The following PPP6R3 variants were observed in gnomAD, a reference collection of about 807,000 sequenced individuals.
PPP6R3 encodes the protein protein phosphatase 6 regulatory subunit 3.
Under a neutral mutation model 110.7 loss-of-function variants are expected in PPP6R3, and 38 were observed. The observed-to-expected ratio is 0.34, with a 90% CI of 0.26 to 0.45. The LOEUF (loss-of-function observed/expected upper bound fraction) is 0.45, where lower values mean the gene tolerates loss of function less well. Ranked by LOEUF, PPP6R3 falls within the 20% of genes least tolerant of loss-of-function variation. The probability of loss-of-function intolerance (pLI) is 1.00; values close to 1 mark genes in which losing one functional copy is unlikely to be tolerated. For missense variants in PPP6R3, 870 were observed against 1,062.4 expected (o/e 0.82, Z 2.52); for synonymous variants, 369 against 373.5 (o/e 0.99, Z 0.14).
chr11:68,472,693 C>T (rs946280871), intron 1 of PPP6R3, among the ~76,000 whole-genome samples: 2 of 151,472 alleles, frequency 1.3e-5, no homozygotes, highest in Admixed American at 6.6e-5. Context: ...AAGTGTACAA[C>T]TGATGGATTT....
At chr11:68,502,494 G>C (rs1026130535) in intron 1 of PPP6R3, among the ~76,000 whole-genome samples, 1 of 152,192 alleles carries the variant, frequency 6.6e-6, no homozygotes, top group Non-Finnish European at 1.5e-5. Context: ...CAGTGGGTTG[G>C]AGGGGCCAGA....
chr11:68,492,413 T>G (rs1309548144), intron 1 of PPP6R3, among the ~76,000 whole-genome samples: 1 of 152,338 alleles, frequency 6.6e-6, no homozygotes, highest in East Asian at 1.9e-4. Context: ...CCTCCCAGAA[T>G]GCTGGGATTT....
chr11:68,477,839 C>T (rs1319049123), intron 1 of PPP6R3, among the ~76,000 whole-genome samples: 1 of 145,086 alleles, frequency 6.9e-6, no homozygotes, highest in Non-Finnish European at 1.5e-5. Flanking sequence ...AGGTTCTGTA[C>T]CTTCTATGAT....
chr11:68,508,270 A>G (rs2153518305), intron 1 of PPP6R3, among the ~76,000 whole-genome samples: 1 of 151,792 alleles, frequency 6.6e-6, no homozygotes, highest in Admixed American at 6.6e-5. Flanking sequence ...CTGGGATTAC[A>G]GGCACCAGCC....
chr11:68,476,317 G>C (rs2098831734), intron 1 of PPP6R3, among the ~76,000 whole-genome samples: 1 of 152,130 alleles, frequency 6.6e-6, no homozygotes, highest in Non-Finnish European at 1.5e-5. Flanking sequence ...ACGAAAACCA[G>C]TCAGGCGTGG....
chr11:68,480,971 G>A (rs185401266), intron 1 of PPP6R3, among the ~76,000 whole-genome samples: 2 of 152,200 alleles, frequency 1.3e-5, no homozygotes, highest in East Asian at 3.9e-4. Flanking sequence ...GGGATCATTT[G>A]CTTGCTAGAA....
chr11:68,528,213 T>C (rs1416749717), intron 2 of PPP6R3, among the ~76,000 whole-genome samples: 1 of 152,186 alleles, frequency 6.6e-6, no homozygotes, highest in African/African-American at 2.4e-5. Context: ...GATTCCTTTA[T>C]TCTCAAAGAA....
chr11:68,544,017 A>G lies in PPP6R3; in HGVS notation c.228-821A>G, dbSNP rs140513663. Among the ~76,000 whole-genome samples, 217 of 152,320 alleles carry G rather than the reference A, an allele frequency of 1.4e-3. 3 individuals are homozygous for G. Among genetic ancestry groups the G allele is most frequent in the East Asian group, 3.9e-4 (2 of 5,184 alleles). On this transcript the variant is annotated intron_variant, in intron 3 of 23. Transcript: ENST00000393800. Reference sequence around the variant, plus strand: ...GTGGGCCTTCTACAGGAGAGACAGCATGGTGAAGACTCATGGTGGGCTGAC... The same window carrying G: ...GTGGGCCTTCTACAGGAGAGACAGCGTGGTGAAGACTCATGGTGGGCTGAC...
In PPP6R3 at chr11:68,498,791, T is replaced by C. The variant is rs184878172; in HGVS notation, c.-157-20710T>C. Among the ~76,000 whole-genome samples, 23 of 152,362 alleles carry C rather than the reference T, an allele frequency of 1.5e-4. No individual in the cohort carries two copies. The East Asian group carries it at 2.1e-3, about 14-fold the overall frequency. ...ATTGCTGCTCTGAACATTCAGTTTG[T>C]ATCTTTTGGTCAACAACATACGTAT... On this transcript the variant is annotated intron_variant, in intron 1 of 23. Transcript: ENST00000393800.
intron 15 of PPP6R3, 41 bp downstream of exon 15, chr11:68,583,170 A>C: frequency 2.1e-6 from 3 of 1,416,746 alleles, no homozygotes; most frequent in Non-Finnish European, 2.9e-6. Flanking sequence ...TTTTATTTTA[A>C]ATGCTTAGTT....
intron 1 of PPP6R3, among the ~76,000 whole-genome samples, chr11:68,478,706 G>GT (rs916561919): frequency 1.0e-4 from 12 of 114,480 alleles, no homozygotes; most frequent in Admixed American, 3.9e-4. Flanking sequence ...CGCCCAGGCT[G>GT]TAGTGCAGTG....
intron 10 of PPP6R3, among the ~76,000 whole-genome samples, chr11:68,569,453 A>G (rs897652447): frequency 6.6e-6 from 1 of 152,210 alleles, no homozygotes; most frequent in Non-Finnish European, 1.5e-5. Context: ...AAGTAGAACA[A>G]TTATAAATCT....
Position 68,613,431 on chromosome 11 carries a change from T to TAAGA in PPP6R3, c.*316_*319dup. 6 of 1,051,880 alleles carry TAAGA rather than the reference T, an allele frequency of 5.7e-6. No individual in the cohort carries two copies. Among genetic ancestry groups the TAAGA allele is most frequent in the Non-Finnish European group, 4.6e-6 (4 of 873,372 alleles). The allele number at this position is 1,051,880 out of a possible 1,614,324, so 65.2% of individuals were successfully genotyped here. On this transcript the variant is annotated 3_prime_UTR_variant, in exon 24 of 24. Coordinates refer to ENST00000393800, the MANE Select transcript of PPP6R3 (RefSeq NM_001164161.2). ...AGTAATACTATAGTTAAAATGGCTG[T>TAAGA]AAGAATAGTTTTATAAAAGTGAATA...
chr11:68,516,553 G>GGTA (rs2099137990), intron 1 of PPP6R3, among the ~76,000 whole-genome samples: 1 of 152,048 alleles, frequency 6.6e-6, no homozygotes, highest in African/African-American at 2.4e-5. Flanking sequence ...TTTGGACAGG[G>GGTA]GATACTCCGT....
At chr11:68,534,741 G>A (rs2099260444) in intron 2 of PPP6R3, among the ~76,000 whole-genome samples, 1 of 151,998 alleles carries the variant, frequency 6.6e-6, no homozygotes, top group Non-Finnish European at 1.5e-5. Flanking sequence ...ACTAAGTGTG[G>A]GGAAGAGTAG....
intron 2 of PPP6R3, among the ~76,000 whole-genome samples, chr11:68,520,448 C>T (rs2099158532): frequency 6.6e-6 from 1 of 152,166 alleles, no homozygotes; most frequent in Non-Finnish European, 1.5e-5. Context: ...GACTTTGTTG[C>T]CTGGAGAGAT....
chr11:68,493,092 G>C (rs1398161142), intron 1 of PPP6R3, among the ~76,000 whole-genome samples: 2 of 152,080 alleles, frequency 1.3e-5, no homozygotes, highest in African/African-American at 4.8e-5. Flanking sequence ...TTGAGTTCCG[G>C]TGCTTACTGG....
rs555983198 is a variant in PPP6R3, at chr11:68,613,239, C to T, written c.*122C>T. 2.1e-5 allele frequency: 30 copies of T among 1,462,502 alleles called. No homozygotes were observed. Among genetic ancestry groups the T allele is most frequent in the South Asian group, 5.6e-5 (4 of 70,920 alleles). 90.6% of individuals were successfully genotyped at this position (1,462,502 alleles called of 1,614,324 possible). A position where few individuals can be genotyped will look rare whatever the true frequency, so the allele number is the denominator to read the frequency against. On this transcript the variant is annotated 3_prime_UTR_variant, in exon 24 of 24. Coordinates refer to ENST00000393800, the MANE Select transcript of PPP6R3 (RefSeq NM_001164161.2). Reference sequence around the variant, plus strand: ...CACTCACTCTGCAAGGGATCAGGACCAGCAACCTTTATATTCTAGATTCTA... The same window carrying T: ...CACTCACTCTGCAAGGGATCAGGACTAGCAACCTTTATATTCTAGATTCTA...
At chr11:68,601,235 C>T (rs758798659) in intron 20 of PPP6R3, among the ~76,000 whole-genome samples, 19 of 152,076 alleles carry the variant, frequency 1.2e-4, no homozygotes, top group African/African-American at 2.2e-4. Flanking sequence ...GTTTATAACC[C>T]GAGGATAAGA....
Sources: allele counts gnomAD v4.1 joint callset (sites outside exome capture counted in the v4.1 genomes callset), GRCh38; gene constraint gnomAD v4.1.1; transcripts MANE v1.5; gene names NCBI Gene and HGNC (gene_info 2026-07-23, HGNC 2026-07-21).